The following CLVS1 variants were observed in gnomAD, a reference collection of about 807,000 sequenced individuals.
CLVS1 encodes clavesin 1.
Under a neutral mutation model 33.1 loss-of-function variants are expected in CLVS1, and 10 were observed. The ratio of observed to expected loss-of-function variants is 0.30; its 90% CI spans 0.19 to 0.51. The LOEUF is 0.51. Among genes scored for constraint, CLVS1 ranks in the 20% least tolerant of loss-of-function variants. The probability of loss-of-function intolerance (pLI) is 0.97; values close to 1 mark genes in which losing one functional copy is unlikely to be tolerated. For missense variants in CLVS1, 343 were observed against 433.4 expected, an observed-to-expected ratio of 0.79 and a Z score of 1.85; for synonymous variants, 163 against 166.1, an observed-to-expected ratio of 0.98 and a Z score of 0.14.
rs546755360 is a variant in CLVS1, at chr8:61,236,298, G to A, written c.-151-63379G>A. On this transcript the variant is annotated intron_variant, in intron 2 of 2. Transcript: ENST00000522621. ...AGGGTATGAGACCGATATTTACACA[G>A]TGGCTCAGAGAGGCAGTAGATGTGA... 3.3e-5 allele frequency among the ~76,000 whole-genome samples: 5 copies of A among 152,346 alleles called. No individual in the cohort carries two copies. In the South Asian group the frequency reaches 1.0e-3, roughly 32 times the overall value.
intron 3 of CLVS1, among the ~76,000 whole-genome samples, chr8:61,400,516 T>TG (rs1301818644): frequency 6.6e-6 from 1 of 152,188 alleles, no homozygotes; most frequent in Non-Finnish European, 1.5e-5. Context: ...TGTTTGAATA[T>TG]GCTTTATTTC....
chr8:61,209,631 T>C (rs1807931366), intron 2 of CLVS1, among the ~76,000 whole-genome samples: 1 of 152,254 alleles, frequency 6.6e-6, no homozygotes, highest in Non-Finnish European at 1.5e-5. Context: ...GTTTTTCGAC[T>C]TGAGCAACTG....
At chr8:61,397,105 C>G (rs1814556963) in intron 3 of CLVS1, among the ~76,000 whole-genome samples, 2 of 152,096 alleles carry the variant, frequency 1.3e-5, no homozygotes. Context: ...TTTTGAGAAA[C>G]TGTCAAACCA....
chr8:61,489,310 C>T (rs1448364854), intron 5 of CLVS1, among the ~76,000 whole-genome samples: 1 of 152,062 alleles, frequency 6.6e-6, no homozygotes, highest in East Asian at 1.9e-4. Flanking sequence ...TGGTTTCTTA[C>T]CAAGTTATAG....
the CLVS1 span, among the ~76,000 whole-genome samples, chr8:61,050,507 A>G: frequency 6.6e-6 from 1 of 152,238 alleles, no homozygotes; most frequent in African/African-American, 2.4e-5. Context: ...GCCAACAGAG[A>G]GTCACACAAG....
rs367941539 is a variant in CLVS1, at chr8:61,222,324, T to C, written c.-151-77353T>C. 5.8e-4 allele frequency among the ~76,000 whole-genome samples: 89 copies of C among 152,278 alleles called. No homozygotes were observed. The South Asian group carries it at 6.8e-3, about 12-fold the overall frequency. On this transcript the variant is annotated intron_variant, in intron 2 of 2. Transcript: ENST00000522621. ...GCTTTCTGATATGGGCATTTAGTGTTATAAATTTCTCTCTTAATACTGCCT... is the reference window on the plus strand; with the variant it reads ...GCTTTCTGATATGGGCATTTAGTGTCATAAATTTCTCTCTTAATACTGCCT...
At chr8:61,425,394 T>C (rs960406680) in intron 3 of CLVS1, among the ~76,000 whole-genome samples, 3 of 152,206 alleles carry the variant, frequency 2.0e-5, no homozygotes, top group African/African-American at 4.8e-5. Flanking sequence ...CAAGTTCTAA[T>C]GTATCTCATC....
At chr8:61,121,360 A>C (rs1334782020) in intron 1 of CLVS1, among the ~76,000 whole-genome samples, 1 of 151,980 alleles carries the variant, frequency 6.6e-6, no homozygotes, top group Non-Finnish European at 1.5e-5. Context: ...GGAGCTGTAG[A>C]CCAGAGCTGT....
intron 2 of CLVS1, among the ~76,000 whole-genome samples, chr8:61,375,237 AG>A (rs1432279072): frequency 7.0e-6 from 1 of 143,374 alleles, no homozygotes; most frequent in Non-Finnish European, 1.5e-5. Flanking sequence ...GTATATTCTT[AG>A]TGGCTTGCAT....
At chr8:61,352,465 T>C (rs2129599085) in intron 2 of CLVS1, among the ~76,000 whole-genome samples, 1 of 152,148 alleles carries the variant, frequency 6.6e-6, no homozygotes, top group Middle Eastern at 3.4e-3. Context: ...ATGCCAGTAG[T>C]CTAAGAGACA....
At chr8:61,239,467 T>C (rs1454708940) in intron 2 of CLVS1, among the ~76,000 whole-genome samples, 1 of 152,226 alleles carries the variant, frequency 6.6e-6, no homozygotes, top group East Asian at 1.9e-4. Context: ...GTGTGGTGGC[T>C]CACGCCTGTA....
At chr8:61,070,788 C>T (rs1028249016) in intron 1 of CLVS1, among the ~76,000 whole-genome samples, 3 of 152,190 alleles carry the variant, frequency 2.0e-5, no homozygotes, top group African/African-American at 7.2e-5. Flanking sequence ...TACAGTGAGC[C>T]ATGATTGCAC....
chr8:61,116,552 G>A (rs1318989358), intron 1 of CLVS1, among the ~76,000 whole-genome samples: 1 of 152,116 alleles, frequency 6.6e-6, no homozygotes, highest in African/African-American at 2.4e-5. Context: ...TTTGTATAAG[G>A]TGTAACAAAG....
At chr8:61,430,581 C>A (rs1224724958) in intron 3 of CLVS1, among the ~76,000 whole-genome samples, 1 of 152,122 alleles carries the variant, frequency 6.6e-6, no homozygotes, top group African/African-American at 2.4e-5. Context: ...CCATGAGGCG[C>A]CTTGCTTAGG....
At chr8:61,238,047 G>A (rs1315054076) in intron 2 of CLVS1, among the ~76,000 whole-genome samples, 1 of 152,116 alleles carries the variant, frequency 6.6e-6, no homozygotes, top group Non-Finnish European at 1.5e-5. Flanking sequence ...GTCTAAGAAG[G>A]CCTAATTTGT....
chr8:61,047,592 C>T, the CLVS1 span, among the ~76,000 whole-genome samples: 1 of 152,180 alleles, frequency 6.6e-6, no homozygotes, highest in Non-Finnish European at 1.5e-5. Context: ...CACATATACA[C>T]CATGGAATAC....
At chr8:61,059,141 C>T (rs1804531897) in intron 1 of CLVS1, among the ~76,000 whole-genome samples, 2 of 151,940 alleles carry the variant, frequency 1.3e-5, no homozygotes, top group Non-Finnish European at 2.9e-5. Context: ...TTTGATTGTG[C>T]CATTTTTTTA....
At chr8:61,440,478 G>C (rs1248892217) in intron 3 of CLVS1, among the ~76,000 whole-genome samples, 1 of 152,152 alleles carries the variant, frequency 6.6e-6, no homozygotes, top group Non-Finnish European at 1.5e-5. Context: ...TTTACCATTT[G>C]CCAAAGATGT....
At chr8:61,271,585 T>G (rs966902562) in intron 2 of CLVS1, among the ~76,000 whole-genome samples, 1 of 133,594 alleles carries the variant, frequency 7.5e-6, no homozygotes, top group African/African-American at 3.2e-5. Context: ...ACTTTCTGTC[T>G]CGTTGATGTG....
Sources: gnomAD v4.1 joint callset for allele counts (sites outside exome capture counted in the v4.1 genomes callset) on GRCh38, gnomAD v4.1.1 for gene constraint, MANE v1.5 for transcripts, NCBI Gene and HGNC (gene_info 2026-07-23, HGNC 2026-07-21) for gene names.